The following RBM19 variants were observed in gnomAD, a reference collection of about 807,000 sequenced individuals.
RBM19 encodes the protein probable RNA-binding protein 19.
In RBM19, 94 loss-of-function variants were observed where a neutral mutation model predicts 116.8. The observed-to-expected ratio is 0.80, with a 90% confidence interval of 0.68 to 0.95. The LOEUF (loss-of-function observed/expected upper bound fraction) is 0.95, where lower values mean the gene tolerates loss of function less well. Among genes scored for constraint, RBM19 ranks in the 40% least tolerant of loss-of-function variants. The probability of loss-of-function intolerance (pLI) is 0.00; values close to 1 mark genes in which losing one functional copy is unlikely to be tolerated. For synonymous variants in RBM19, 475 were observed against 494.1 expected, an observed-to-expected ratio of 0.96 and a Z score of 0.51; for missense variants, 1,161 against 1,220.7, an observed-to-expected ratio of 0.95 and a Z score of 0.73.
At chr12:113,871,723 TC>T (rs1879217061) in intron 21 of RBM19, among the ~76,000 whole-genome samples, 1 of 152,220 alleles carries the variant, frequency 6.6e-6, no homozygotes, top group Admixed American at 6.5e-5. Context: ...CAGACACACC[TC>T]AACAGATCTG....
chr12:113,829,064 C>T (rs1006058573), intron 23 of RBM19, among the ~76,000 whole-genome samples: 2 of 151,620 alleles, frequency 1.3e-5, no homozygotes, highest in African/African-American at 2.4e-5. Flanking sequence ...GTGGAGCGAT[C>T]TCGGCTCACT....
In RBM19 at chr12:113,940,091, G is replaced by GCT; in HGVS notation, c.1805_1806dup (p.Leu603SerfsTer145). The GCT allele has an allele frequency of 6.2e-7, 1 of 1,614,122 alleles. No individual in the cohort carries two copies. The highest frequency in any genetic ancestry group is 1.7e-5 in the Admixed American group (1 of 60,032). On this transcript the variant is annotated frameshift_variant, in exon 15 of 24. Transcript: ENST00000261741. LOFTEE classifies it high-confidence loss of function. Reference sequence around the variant, plus strand: ...CCAAAATGGCCGAAGGTCTCCTGCAGCTGGGCCGCCAGGGTGCCTGCCGGG... The same window carrying GCT: ...CCAAAATGGCCGAAGGTCTCCTGCAGCTCTGGGCCGCCAGGGTGCCTGCCGGG...
chr12:113,964,833 G>A (rs768429758), intron 1 of RBM19, among the ~76,000 whole-genome samples: 50 of 152,192 alleles, frequency 3.3e-4, no homozygotes, highest in Admixed American at 3.1e-3. Context: ...GACAGAGAGG[G>A]AAGGTAGGAC....
At chr12:113,931,559 G>T (rs1483776704) in intron 16 of RBM19, among the ~76,000 whole-genome samples, 3 of 152,156 alleles carry the variant, frequency 2.0e-5, no homozygotes, top group Non-Finnish European at 4.4e-5. Context: ...ACTCCCTGCT[G>T]CTGTGCCCTC....
chr12:113,949,007 T>C lies in RBM19; in HGVS notation c.1102A>G (p.Lys368Glu). 6.2e-7 allele frequency: 1 copy of C among 1,614,142 alleles called. No homozygotes were observed. Among genetic ancestry groups the C allele is most frequent in the Non-Finnish European group, 8.5e-7 (1 of 1,180,004 alleles). Residue 368 changes from lysine (K) to glutamate (E), a missense_variant, in exon 10 of 24, where the codon AAG (lysine) becomes GAG (glutamate). By Grantham distance (56) the Lys-to-Glu change is moderately conservative. Coordinates refer to ENST00000261741, the MANE Select transcript of RBM19 (RefSeq NM_016196.4). ...GCACCCTTGGTGGTGGGGACGTTCT[T>C]TTCCCTGAACACCTCGATGTAGCGC... ...GGRYIEVFREKNVPTTKGAPK... is the reference protein window; with the variant it reads ...GGRYIEVFREENVPTTKGAPK...
intron 13 of RBM19, among the ~76,000 whole-genome samples, chr12:113,943,646 A>T (rs1386748824): frequency 2.6e-5 from 4 of 151,972 alleles, no homozygotes; most frequent in African/African-American, 9.7e-5. Flanking sequence ...CAACATGGAG[A>T]AACCTCATCT....
intron 15 of RBM19, among the ~76,000 whole-genome samples, chr12:113,937,618 G>T (rs1327312268): frequency 1.3e-5 from 2 of 151,972 alleles, no homozygotes; most frequent in African/African-American, 2.4e-5. Context: ...TTTTTAAAAG[G>T]ATAGCTGGGC....
At chr12:113,944,169 G>A (rs145390142) in intron 13 of RBM19, among the ~76,000 whole-genome samples, 188 of 141,892 alleles carry the variant, frequency 1.3e-3, no homozygotes, top group African/African-American at 2.1e-3. Context: ...GCATGATCTC[G>A]GCTCATTGCA....
At chr12:113,948,774 G>T in intron 10 of RBM19, 59 bp downstream of exon 10, 1 of 1,563,440 alleles carries the variant, frequency 6.4e-7, no homozygotes, top group Non-Finnish European at 8.8e-7. Flanking sequence ...GGACGTCAGA[G>T]TGAGAGCCCG....
chr12:113,957,657 A>C, intron 6 of RBM19, 125 bp downstream of exon 6: 2 of 1,326,500 alleles, frequency 1.5e-6, no homozygotes, highest in Non-Finnish European at 1.9e-6. Context: ...AAGATCGGGA[A>C]GGCTTTGGAC....
intron 21 of RBM19, among the ~76,000 whole-genome samples, chr12:113,875,098 A>G (rs3782446): frequency 0.22 from 33,499 of 152,218 alleles, 4,175 homozygotes; most frequent in East Asian, 0.36. Context: ...CACGGTGCGG[A>G]CCGTTCGACA....
chr12:113,874,376 TG>T (rs898584490), intron 21 of RBM19, among the ~76,000 whole-genome samples: 5 of 152,038 alleles, frequency 3.3e-5, no homozygotes, highest in African/African-American at 1.2e-4. Context: ...AAACGGGGAG[TG>T]GGAGGAAGCG....
intron 21 of RBM19, among the ~76,000 whole-genome samples, chr12:113,882,133 C>A (rs889479161): frequency 1.3e-5 from 2 of 152,238 alleles, no homozygotes; most frequent in African/African-American, 4.8e-5. Context: ...AGGGCTCTGG[C>A]AGCTGGGCTG....
chr12:113,849,946 G>C (rs1641062784), intron 22 of RBM19, among the ~76,000 whole-genome samples: 2 of 152,178 alleles, frequency 1.3e-5, no homozygotes, highest in South Asian at 4.1e-4. Context: ...GGAGGAAAGA[G>C]GGGAAGAGGG....
At position 113,924,682 on chromosome 12, in the gene RBM19, T is replaced by C. The variant is rs781398966; in HGVS notation, c.2305+15A>G. 1.3e-6 allele frequency: 2 copies of C among 1,533,074 alleles called. No individual in the cohort carries two copies. The highest frequency in any genetic ancestry group is 1.4e-5 in the African/African-American group (1 of 73,024). The allele number at this position is 1,533,074 out of a possible 1,614,324, so 95.0% of individuals were successfully genotyped here. ...GGCTGAATACTGAACACTTTCCGAATTTCATGCGGAATACCTGCTTTGTTC... is the reference window on the plus strand; with the variant it reads ...GGCTGAATACTGAACACTTTCCGAACTTCATGCGGAATACCTGCTTTGTTC... On this transcript the variant is annotated intron_variant, in intron 18 of 23. Coordinates refer to ENST00000261741, the MANE Select transcript of RBM19 (RefSeq NM_016196.4).
intron 11 of RBM19, among the ~76,000 whole-genome samples, chr12:113,947,115 T>G (rs1435606165): frequency 1.3e-5 from 2 of 152,194 alleles, no homozygotes; most frequent in Non-Finnish European, 2.9e-5. Flanking sequence ...GAGGTGTAGG[T>G]GCCACAGATC....
Position 113,927,135 on chromosome 12 carries a change from TTCCTCTTCCTCCTCC to T in RBM19, c.2148_2162del (p.Glu721_Glu725del). ...ATCCTGGGAGGCTCTCTTCTTCTTC[TTCCTCTTCCTCCTCC>T]TCCTCTTCCATCTTTGCTGAAGAGT... On this transcript the variant is annotated inframe_deletion, in exon 17 of 24. Transcript: ENST00000261741. The T allele has an allele frequency of 6.2e-7, 1 of 1,611,660 alleles. No individual in the cohort carries two copies. Among genetic ancestry groups the T allele is most frequent in the South Asian group, 1.1e-5 (1 of 90,734 alleles).
intron 21 of RBM19, among the ~76,000 whole-genome samples, chr12:113,901,708 T>C (rs530141361): frequency 3.2e-4 from 49 of 151,366 alleles, no homozygotes; most frequent in African/African-American, 8.7e-4. Context: ...AGAGACGGGG[T>C]TTCACCATGT....
At chr12:113,933,659 G>A (rs536710164) in intron 16 of RBM19, among the ~76,000 whole-genome samples, 1 of 152,188 alleles carries the variant, frequency 6.6e-6, no homozygotes, top group East Asian at 1.9e-4. Flanking sequence ...GAAGCAGGGG[G>A]ACCCGCGGGC....
Sources: gnomAD v4.1 joint callset for allele counts (sites outside exome capture counted in the v4.1 genomes callset) on GRCh38, gnomAD v4.1.1 for gene constraint, MANE v1.5 for transcripts, NCBI Gene and HGNC (gene_info 2026-07-23, HGNC 2026-07-21) for gene names.